The following PIK3C2A variants were observed in gnomAD, a reference collection of about 807,000 sequenced individuals.
The protein encoded by PIK3C2A is phosphatidylinositol 4-phosphate 3-kinase C2 domain-containing subunit alpha.
In PIK3C2A, 97 loss-of-function variants were observed where a neutral mutation model predicts 204.5. The observed-to-expected ratio is 0.47, with a 90% CI of 0.40 to 0.56. PIK3C2A has a LOEUF of 0.56. PIK3C2A is among the 20% of genes least tolerant of loss of function. PIK3C2A has a pLI of 0.00. For missense variants in PIK3C2A, 1,735 were observed against 1,969.2 expected (o/e 0.88, Z 2.25); for synonymous variants, 653 against 664.4 (o/e 0.98, Z 0.26).
At position 17,089,535 on chromosome 11, in the gene PIK3C2A, A is replaced by C. The variant is rs562074786; in HGVS notation, c.*203T>G. ...ACTTTAAAACAGCAATGGCTTCCAA[A>C]AATTCAAAAAGGTTAGTTATGTGAC... is the stretch of plus-strand genomic sequence containing the variant. On this transcript the variant is annotated 3_prime_UTR_variant, in exon 33 of 33. Coordinates refer to ENST00000691414, the MANE Select transcript of PIK3C2A (RefSeq NM_002645.4). The C allele has an allele frequency of 8.5e-6, 4 of 472,996 alleles. No homozygotes were observed. In the East Asian group the frequency reaches 1.3e-4, roughly 16 times the overall value. The allele number at this position is 472,996 out of a possible 1,614,324, so 29.3% of individuals were successfully genotyped here. A position where few individuals can be genotyped will look rare whatever the true frequency, so the allele number is the denominator to read the frequency against.
At chr11:17,163,858 A>T (rs997540984) in intron 2 of PIK3C2A, among the ~76,000 whole-genome samples, 1 of 151,338 alleles carries the variant, frequency 6.6e-6, no homozygotes, top group Non-Finnish European at 1.5e-5. Context: ...ACTTTCAGGT[A>T]TTCTACTTCC....
At chr11:17,163,207 G>A (rs1850839382) in intron 2 of PIK3C2A, among the ~76,000 whole-genome samples, 1 of 152,102 alleles carries the variant, frequency 6.6e-6, no homozygotes, top group African/African-American at 2.4e-5. Flanking sequence ...TCGGGAAGCT[G>A]AGCCAGGAGA....
intron 2 of PIK3C2A, among the ~76,000 whole-genome samples, chr11:17,157,128 CTT>C (rs1433676139): frequency 6.6e-6 from 1 of 152,174 alleles, no homozygotes; most frequent in East Asian, 1.9e-4. Flanking sequence ...CCCTGGGGCT[CTT>C]GTTTCCTCAT....
At chr11:17,162,869 G>C (rs1482989851) in intron 2 of PIK3C2A, among the ~76,000 whole-genome samples, 1 of 152,114 alleles carries the variant, frequency 6.6e-6, no homozygotes, top group East Asian at 1.9e-4. Flanking sequence ...CTCTTTCTAA[G>C]TTCCTTTATA....
rs998871190 is a variant in PIK3C2A, at chr11:17,189,677, T to A, written c.-66+18171A>T. Among the ~76,000 whole-genome samples the A allele has an allele frequency of 1.6e-4, 25 of 151,698 alleles. 3 individuals carry two copies. Among genetic ancestry groups the A allele is most frequent in the African/African-American group, 5.8e-4 (24 of 41,162 alleles). On this transcript the variant is annotated intron_variant, in intron 1 of 32. Transcript: ENST00000691414. ...GCCCCATAAAGAAACCCTGCACTCA[T>A]TAGCAGTCACATTTCCCCTCCCTAA... is the stretch of plus-strand genomic sequence containing the variant.
Position 17,134,888 on chromosome 11 carries a change from C to T in PIK3C2A, c.2039G>A (p.Trp680Ter), listed in dbSNP as rs1172241152. The T allele has an allele frequency of 6.2e-7, 1 of 1,614,148 alleles. No homozygotes were observed. The highest frequency in any genetic ancestry group is 8.5e-7 in the Non-Finnish European group (1 of 1,180,016). The stretch of plus-strand genomic sequence containing the variant: ...AAACTGGAGCTGCTCTGTTGTAGTC[C>T]ATGCTTCCTTGACACTCTTGCTACT... ...AQSSKSVKEA[W>*]TTTEQLQFTI... Residue 680 changes from tryptophan (W) to a stop codon, truncating the protein, a stop_gained, in exon 11 of 33, where the codon TGG (tryptophan) becomes TAG (stop). Transcript: ENST00000691414. LOFTEE classifies it high-confidence loss of function.
chr11:17,087,105 CAAG>C lies in PIK3C2A; in HGVS notation c.*2630_*2632del, dbSNP rs1848181172. 1 of 152,070 alleles carries C rather than the reference CAAG, an allele frequency of 6.6e-6. No individual in the cohort carries two copies. The highest frequency in any genetic ancestry group is 2.4e-5 in the African/African-American group (1 of 41,432). The allele number at this position is 152,070 out of a possible 1,614,324, so 9.4% of individuals were successfully genotyped here. ...TTATCTTCAAATCCCAAAACACTGGCAAGAAGAAATAATTCTTCTGATGCAGGA... is the reference window on the plus strand; with the variant it reads ...TTATCTTCAAATCCCAAAACACTGGCAAGAAATAATTCTTCTGATGCAGGA... On this transcript the variant is annotated 3_prime_UTR_variant, in exon 33 of 33. Transcript: ENST00000691414.
At chr11:17,165,009 A>T (rs1850900077) in intron 2 of PIK3C2A, among the ~76,000 whole-genome samples, 2 of 152,266 alleles carry the variant, frequency 1.3e-5, no homozygotes, top group South Asian at 2.1e-4. Flanking sequence ...CCACCAAAGG[A>T]AAGGGTGGAG....
At position 17,186,568 on chromosome 11, in the gene PIK3C2A, C is replaced by G. The variant is rs1851758626; in HGVS notation, c.-65-16762G>C. ...TAAAGAGATACAATAGATTTTTAAC[C>G]CCCTCTTGTTGCATTCATTTTTAAA... is the stretch of plus-strand genomic sequence containing the variant. On this transcript the variant is annotated intron_variant, in intron 1 of 32. Coordinates refer to ENST00000691414, the MANE Select transcript of PIK3C2A (RefSeq NM_002645.4). Among the ~76,000 whole-genome samples the G allele has an allele frequency of 2.0e-5, 3 of 152,094 alleles. No individual in the cohort carries two copies. The South Asian group carries it at 6.2e-4, about 32-fold the overall frequency.
intron 4 of PIK3C2A, among the ~76,000 whole-genome samples, chr11:17,149,764 A>G (rs902699633): frequency 3.1e-4 from 47 of 152,146 alleles, no homozygotes; most frequent in African/African-American, 1.0e-3. Flanking sequence ...TTAACAACTA[A>G]AAGAATAATT....
chr11:17,109,621 T>C (rs1388304394), intron 22 of PIK3C2A, among the ~76,000 whole-genome samples: 1 of 152,162 alleles, frequency 6.6e-6, no homozygotes, highest in African/African-American at 2.4e-5. Context: ...TGGAGTGCAG[T>C]AGCATGATCA....
At chr11:17,187,061 T>C (rs540801352) in intron 1 of PIK3C2A, among the ~76,000 whole-genome samples, 1 of 152,198 alleles carries the variant, frequency 6.6e-6, no homozygotes, top group East Asian at 1.9e-4. Flanking sequence ...AAAAAAGAAA[T>C]ACTGGCTTTG....
intron 3 of PIK3C2A, 98 bp downstream of exon 3, chr11:17,155,428 G>A (rs1590970897): frequency 1.6e-6 from 1 of 619,626 alleles, no homozygotes; most frequent in East Asian, 2.8e-5. Flanking sequence ...GCCACAAGAA[G>A]AAAATAATTA....
At chr11:17,148,131 C>G (rs1269904850) in intron 5 of PIK3C2A, 7 of 153,146 alleles carry the variant, frequency 4.6e-5, no homozygotes, top group African/African-American at 1.7e-4. Flanking sequence ...ATCGCTTGAA[C>G]CCGGGAGGTG....
chr11:17,142,656 G>C (rs1259440656), intron 8 of PIK3C2A, among the ~76,000 whole-genome samples: 1 of 146,028 alleles, frequency 6.8e-6, no homozygotes, highest in Non-Finnish European at 1.5e-5. Flanking sequence ...GGGGGTTGCA[G>C]CTGCAGTGAT....
chr11:17,148,529 A>G, intron 5 of PIK3C2A, 138 bp downstream of exon 5: 2 of 724,458 alleles, frequency 2.8e-6, no homozygotes, highest in South Asian at 2.0e-5. Flanking sequence ...TATTTCAATA[A>G]AAGTTTATTG....
At chr11:17,176,753 T>C (rs1263982594) in intron 1 of PIK3C2A, among the ~76,000 whole-genome samples, 3 of 151,892 alleles carry the variant, frequency 2.0e-5, no homozygotes, top group Non-Finnish European at 4.4e-5. Context: ...GTCACTGCAC[T>C]CCAGCCTGGG....
chr11:17,118,749 A>G lies in PIK3C2A; in HGVS notation c.2941-10T>C, dbSNP rs1313400278. 9.3e-6 allele frequency: 12 copies of G among 1,294,482 alleles called. No homozygotes were observed. Among genetic ancestry groups the G allele is most frequent in the Non-Finnish European group, 1.0e-5 (9 of 897,386 alleles). The allele number at this position is 1,294,482 out of a possible 1,614,324, so 80.2% of individuals were successfully genotyped here. ...TTTCATATTTCAAAGCCTACAGTAA[A>G]AGAAAATAAGAATTATTAGTGGTCT... On this transcript the variant is annotated splice_polypyrimidine_tract_variant and intron_variant, in intron 17 of 32. Transcript: ENST00000691414.
chr11:17,177,433 A>C (rs1196599754), intron 1 of PIK3C2A, among the ~76,000 whole-genome samples: 2 of 152,202 alleles, frequency 1.3e-5, no homozygotes, highest in Non-Finnish European at 2.9e-5. Flanking sequence ...AGAGAAGCTC[A>C]AATTCTGAAA....
Sources: allele counts gnomAD v4.1 joint callset (sites outside exome capture counted in the v4.1 genomes callset), GRCh38; gene constraint gnomAD v4.1.1; transcripts MANE v1.5; gene names NCBI Gene and HGNC (gene_info 2026-07-23, HGNC 2026-07-21).